The following PRKAR1B variants were observed in gnomAD, a reference collection of about 807,000 sequenced individuals.
PRKAR1B encodes cAMP-dependent protein kinase type I-beta regulatory subunit.
PRKAR1B carries 22 observed loss-of-function variants against 46.5 expected under a neutral mutation model. The observed-to-expected ratio is 0.47, with a 90% CI of 0.34 to 0.68. PRKAR1B has a LOEUF of 0.68. Among genes scored for constraint, PRKAR1B ranks in the 30% least tolerant of loss-of-function variants. The pLI is 0.01. For missense variants in PRKAR1B, 445 were observed against 535.6 expected, an observed-to-expected ratio of 0.83 and a Z score of 1.67; for synonymous variants, 259 against 217.7, an observed-to-expected ratio of 1.19 and a Z score of -1.67.
chr7:633,478 T>G (rs1783877167), intron 4 of PRKAR1B, among the ~76,000 whole-genome samples: 1 of 152,084 alleles, frequency 6.6e-6, no homozygotes, highest in African/African-American at 2.4e-5. Context: ...TAAAAAGTAA[T>G]ACAGGCTGGG....
chr7:726,675 A>G, intron 1 of PRKAR1B: 1 of 1,205,012 alleles, frequency 8.3e-7, no homozygotes, highest in Non-Finnish European at 1.0e-6. Flanking sequence ...CTGCGCTGAG[A>G]GTCGCGAAAG....
At chr7:596,377 T>C in intron 6 of PRKAR1B, 73 bp from the exon 7 acceptor site, 8 of 1,525,134 alleles carry the variant, frequency 5.2e-6, no homozygotes, top group Non-Finnish European at 7.1e-6. Flanking sequence ...ATACAGAAAG[T>C]CCCCCTTAGC....
intron 4 of PRKAR1B, among the ~76,000 whole-genome samples, chr7:617,472 C>G (rs890360065): frequency 6.6e-6 from 1 of 152,050 alleles, no homozygotes; most frequent in East Asian, 1.9e-4. Context: ...CCCCAACTAA[C>G]GAAGTGCCAT....
intron 7 of PRKAR1B, among the ~76,000 whole-genome samples, chr7:586,985 G>A (rs1002659799): frequency 2.7e-5 from 4 of 150,668 alleles, no homozygotes; most frequent in Admixed American, 6.7e-5. Context: ...CCGGGTTCAC[G>A]CCATTCTCCT....
chr7:610,556 G>T (rs1782422807), intron 4 of PRKAR1B, among the ~76,000 whole-genome samples: 1 of 152,144 alleles, frequency 6.6e-6, no homozygotes, highest in Admixed American at 6.5e-5. Context: ...TTCTTCAGAG[G>T]AAATGTTAAT....
At chr7:655,196 G>C (rs927273073) in intron 4 of PRKAR1B, among the ~76,000 whole-genome samples, 3 of 152,156 alleles carry the variant, frequency 2.0e-5, no homozygotes, top group African/African-American at 7.2e-5. Flanking sequence ...ATGCCTTCTA[G>C]GGCCTCCCAT....
At chr7:680,222 C>T (rs1454475769) in intron 3 of PRKAR1B, among the ~76,000 whole-genome samples, 1 of 151,940 alleles carries the variant, frequency 6.6e-6, no homozygotes, top group Admixed American at 6.6e-5. Flanking sequence ...GGCACACAGC[C>T]CAGGACAGAG....
At chr7:552,896 C>A (rs1482991382) in intron 9 of PRKAR1B, among the ~76,000 whole-genome samples, 1 of 152,264 alleles carries the variant, frequency 6.6e-6, no homozygotes, top group Non-Finnish European at 1.5e-5. Flanking sequence ...TCCCTCCTGA[C>A]CCCCGACACG....
chr7:716,277 C>T (rs1020354518), intron 1 of PRKAR1B, among the ~76,000 whole-genome samples: 37 of 149,266 alleles, frequency 2.5e-4, no homozygotes, highest in African/African-American at 8.7e-4. Flanking sequence ...AGGCTAGTCT[C>T]GAATTCCTGG....
intron 2 of PRKAR1B, among the ~76,000 whole-genome samples, chr7:700,183 G>A (rs1355536314): frequency 6.6e-6 from 1 of 152,128 alleles, no homozygotes; most frequent in Non-Finnish European, 1.5e-5. Context: ...AGGTGCTGAG[G>A]ACTGAGCTGC....
intron 9 of PRKAR1B, among the ~76,000 whole-genome samples, chr7:573,296 C>G (rs757255091): frequency 2.0e-5 from 3 of 152,198 alleles, no homozygotes; most frequent in Admixed American, 6.5e-5. Flanking sequence ...ACGTGCAAGG[C>G]GCTGTTTTAT....
intron 1 of PRKAR1B, among the ~76,000 whole-genome samples, chr7:726,376 C>G (rs1185452420): frequency 6.6e-6 from 1 of 152,180 alleles, no homozygotes; most frequent in Admixed American, 6.5e-5. Context: ...CAGGCGGGAC[C>G]ACTCAGGTTC....
At chr7:699,492 T>A (rs570649902) in intron 2 of PRKAR1B, among the ~76,000 whole-genome samples, 48 of 152,082 alleles carry the variant, frequency 3.2e-4, no homozygotes, top group African/African-American at 1.1e-3. Context: ...TCACACACTG[T>A]CATGCTCACC....
chr7:728,407 C>A (rs1781439201), upstream of PRKAR1B, among the ~76,000 whole-genome samples: 1 of 152,074 alleles, frequency 6.6e-6, no homozygotes, highest in Non-Finnish European at 1.5e-5. Context: ...AGTGATAGAC[C>A]CGAGTTCAGG....
intron 2 of PRKAR1B, among the ~76,000 whole-genome samples, chr7:687,122 A>C (rs571848348): frequency 6.6e-6 from 1 of 152,334 alleles, no homozygotes; most frequent in Admixed American, 6.5e-5. Context: ...TTCTCTCAAA[A>C]GGAATATATC....
At chr7:725,162 G>C (rs1036867692) in intron 1 of PRKAR1B, among the ~76,000 whole-genome samples, 2 of 151,260 alleles carry the variant, frequency 1.3e-5, no homozygotes, top group South Asian at 4.2e-4. Context: ...TGCAGTGAGC[G>C]GAGATCGCGC....
At chr7:638,161 G>A (rs1784220873) in intron 4 of PRKAR1B, among the ~76,000 whole-genome samples, 1 of 152,182 alleles carries the variant, frequency 6.6e-6, no homozygotes, top group Non-Finnish European at 1.5e-5. Flanking sequence ...AATGAGCCTG[G>A]GACTGAAAGC....
intron 6 of PRKAR1B, among the ~76,000 whole-genome samples, chr7:599,398 A>T (rs959690647): frequency 6.6e-6 from 1 of 151,852 alleles, no homozygotes; most frequent in Non-Finnish European, 1.5e-5. Context: ...CCCAGGTTCA[A>T]GCGATTCTCC....
chr7:689,120 AAT>A lies in PRKAR1B; in HGVS notation c.178-8396_178-8395del, dbSNP rs1491219187. Among the ~76,000 whole-genome samples the A allele has an allele frequency of 5.3e-5, 8 of 151,892 alleles. No homozygotes were observed. In the South Asian group the frequency reaches 6.2e-4, roughly 12 times the overall value. ...TGGAACAGAACTAAAAAGAAAAAAA[AAT>A]TTTTTTTTTTTGAGGCAGAGTCTCG... On this transcript the variant is annotated intron_variant, in intron 2 of 10. Coordinates refer to ENST00000537384, the MANE Select transcript of PRKAR1B (RefSeq NM_001164760.2).
Sources: allele counts gnomAD v4.1 joint callset (sites outside exome capture counted in the v4.1 genomes callset), GRCh38; gene constraint gnomAD v4.1.1; transcripts MANE v1.5; gene names NCBI Gene and HGNC (gene_info 2026-07-23, HGNC 2026-07-21).